Variants in PRRC2C observed in about 807,000 individuals in gnomAD.
The protein encoded by PRRC2C is protein PRRC2C.
In PRRC2C, 72 loss-of-function variants were observed where a neutral mutation model predicts 317.2. That is an observed-to-expected ratio of 0.23 (90% CI 0.19 to 0.28). PRRC2C has a LOEUF of 0.28. Ranked by LOEUF, PRRC2C falls within the 10% of genes least tolerant of loss-of-function variation. PRRC2C has a pLI of 1.00. For missense variants in PRRC2C, 3,074 were observed against 3,459.7 expected, an observed-to-expected ratio of 0.89 and a Z score of 2.80; for synonymous variants, 1,296 against 1,205.9, an observed-to-expected ratio of 1.07 and a Z score of -1.55.
In PRRC2C at chr1:171,518,783, A is replaced by G. The variant is rs1672967828; in HGVS notation, c.750+969A>G. On this transcript the variant is annotated intron_variant, in intron 6 of 34. Coordinates refer to ENST00000647382, the MANE Select transcript of PRRC2C (RefSeq NM_001387844.1). Reference sequence around the variant, plus strand: ...CCCTCAGAGTGTTGGGATTACAGACATGAGCCACCTCACTTGGCCTTTAAA... The same window carrying G: ...CCCTCAGAGTGTTGGGATTACAGACGTGAGCCACCTCACTTGGCCTTTAAA... Among the ~76,000 whole-genome samples the G allele has an allele frequency of 2.0e-5, 3 of 150,842 alleles. 1 individual carries two copies. Among genetic ancestry groups the G allele is most frequent in the South Asian group, 4.2e-4 (2 of 4,796 alleles).
chr1:171,532,214 C>T, intron 11 of PRRC2C, 129 bp from the exon 12 acceptor site: 1 of 960,894 alleles, frequency 1.0e-6, no homozygotes, highest in Non-Finnish European at 1.5e-6. Flanking sequence ...TATGTGTTTT[C>T]ATTTTAATGT....
chr1:171,547,645 T>G (rs5015639), intron 17 of PRRC2C, among the ~76,000 whole-genome samples: 49,082 of 99,444 alleles, frequency 0.49, 10,043 homozygotes, highest in East Asian at 0.59. Context: ...TTTTTTTTTT[T>G]GTTTTTTTTT....
chr1:171,517,451 C>A, intron 5 of PRRC2C, 140 bp from the exon 6 acceptor site: 1 of 755,562 alleles, frequency 1.3e-6, no homozygotes, highest in Non-Finnish European at 2.1e-6. Flanking sequence ...AACTTGAAAG[C>A]ATTAGTAGGA....
chr1:171,503,452 A>T (rs1030019380), intron 1 of PRRC2C, among the ~76,000 whole-genome samples: 2 of 151,802 alleles, frequency 1.3e-5, no homozygotes, highest in Non-Finnish European at 2.9e-5. Context: ...TGAACCCGGG[A>T]GGCGGAGGTT....
At chr1:171,512,385 A>T (rs1307097876) in intron 2 of PRRC2C, 185 bp downstream of exon 2, 1 of 511,082 alleles carries the variant, frequency 2.0e-6, no homozygotes, top group African/African-American at 2.0e-5. Flanking sequence ...GAAAATTTAT[A>T]CTTTCATAGA....
At chr1:171,571,617 A>G (rs1372166997) in intron 24 of PRRC2C, among the ~76,000 whole-genome samples, 196 bp downstream of exon 24, 1 of 152,182 alleles carries the variant, frequency 6.6e-6, no homozygotes, top group African/African-American at 2.4e-5. Context: ...TGATATCCTC[A>G]TATTTAAAGT....
At position 171,492,672 on chromosome 1, in the gene PRRC2C, G is replaced by A. The variant is rs147811227; in HGVS notation, c.-58+6937G>A. 3.3e-3 allele frequency among the ~76,000 whole-genome samples: 500 copies of A among 152,182 alleles called. 4 individuals are homozygous for A. The highest frequency in any genetic ancestry group is 0.011 in the African/African-American group (464 of 41,518). On this transcript the variant is annotated intron_variant, in intron 1 of 34. Coordinates refer to ENST00000647382, the MANE Select transcript of PRRC2C (RefSeq NM_001387844.1). The stretch of plus-strand genomic sequence containing the variant: ...AGTAGTGGGATAGCCATTGCACTCC[G>A]GCCTGGACAACATTAAGGTGACCCT...
At chr1:171,520,229 C>T (rs1289052925) in intron 6 of PRRC2C, among the ~76,000 whole-genome samples, 1 of 152,210 alleles carries the variant, frequency 6.6e-6, no homozygotes, top group African/African-American at 2.4e-5. Flanking sequence ...TCCCAAAGTG[C>T]TGGGATTACA....
intron 20 of PRRC2C, 103 bp downstream of exon 20, chr1:171,561,206 G>A (rs984933711): frequency 8.8e-7 from 1 of 1,135,104 alleles, no homozygotes; most frequent in South Asian, 1.2e-5. Context: ...GTGGTGGGAG[G>A]GTTACTTGAG....
intron 6 of PRRC2C, among the ~76,000 whole-genome samples, chr1:171,519,626 C>A (rs1420916363): frequency 6.7e-6 from 1 of 149,862 alleles, no homozygotes; most frequent in Non-Finnish European, 1.5e-5. Flanking sequence ...TGTTTACTTT[C>A]AGCCCAATGT....
chr1:171,574,770 C>T (rs1687066), intron 24 of PRRC2C, among the ~76,000 whole-genome samples, 157 bp from the exon 25 acceptor site: 1 of 152,106 alleles, frequency 6.6e-6, no homozygotes, highest in South Asian at 2.1e-4. Context: ...TCTGAAATCC[C>T]TAGGGTCTTA....
intron 1 of PRRC2C, among the ~76,000 whole-genome samples, chr1:171,503,952 C>T (rs1369505563): frequency 6.6e-6 from 1 of 152,158 alleles, no homozygotes; most frequent in African/African-American, 2.4e-5. Context: ...AAGAACAGCA[C>T]AGGAAAAACC....
intron 19 of PRRC2C, among the ~76,000 whole-genome samples, chr1:171,558,982 A>G (rs895783330): frequency 1.3e-5 from 2 of 152,240 alleles, no homozygotes; most frequent in East Asian, 1.9e-4. Context: ...TAGCAGGTCA[A>G]TCCAGACACA....
intron 25 of PRRC2C, 66 bp from the exon 26 acceptor site, chr1:171,577,368 C>A: frequency 7.2e-7 from 1 of 1,380,256 alleles, no homozygotes; most frequent in Non-Finnish European, 1.0e-6. Context: ...CTGGTTGGTA[C>A]TGTGAACAAT....
chr1:171,494,959 G>A (rs1571559633), intron 1 of PRRC2C, among the ~76,000 whole-genome samples: 1 of 152,158 alleles, frequency 6.6e-6, no homozygotes, highest in East Asian at 1.9e-4. Flanking sequence ...AAAATTACAC[G>A]TCATTTCACA....
At chr1:171,526,903 G>T (rs907522672) in intron 10 of PRRC2C, among the ~76,000 whole-genome samples, 26 of 140,370 alleles carry the variant, frequency 1.9e-4, no homozygotes, top group African/African-American at 7.0e-4. Context: ...CTGCCTCTCA[G>T]GTTCAAGCAA....
At chr1:171,507,475 G>T (rs1287742267) in intron 1 of PRRC2C, among the ~76,000 whole-genome samples, 1 of 152,120 alleles carries the variant, frequency 6.6e-6, no homozygotes, top group Non-Finnish European at 1.5e-5. Flanking sequence ...GCCGGGCATG[G>T]TGGCAGACGC....
chr1:171,527,211 C>T (rs1674778519), intron 10 of PRRC2C, among the ~76,000 whole-genome samples: 1 of 152,030 alleles, frequency 6.6e-6, no homozygotes, highest in Non-Finnish European at 1.5e-5. Context: ...TGGCTCACTG[C>T]AACCTCCGCC....
At chr1:171,512,731 T>C (rs2102253876) in intron 2 of PRRC2C, 2 of 319,794 alleles carry the variant, frequency 6.3e-6, no homozygotes, top group South Asian at 1.5e-4. Flanking sequence ...TGAAAAAATA[T>C]CAGTATTATC....
Sources: gnomAD v4.1 joint callset for allele counts (sites outside exome capture counted in the v4.1 genomes callset) on GRCh38, gnomAD v4.1.1 for gene constraint, MANE v1.5 for transcripts, NCBI Gene and HGNC (gene_info 2026-07-23, HGNC 2026-07-21) for gene names.